ATL1: variants seen among roughly 807,000 people sequenced by gnomAD.
ATL1 encodes the protein atlastin-1.
In ATL1, 31 loss-of-function variants were observed where a neutral mutation model predicts 75.5. That is an observed-to-expected ratio of 0.41 (90% CI 0.31 to 0.55). The LOEUF is 0.55. Ranked by LOEUF, ATL1 falls within the 20% of genes least tolerant of loss-of-function variation. The pLI, the probability that ATL1 is intolerant of heterozygous loss-of-function variation, is 0.27. For missense variants in ATL1, 405 were observed against 662.6 expected (o/e 0.61, Z 4.27); for synonymous variants, 226 against 233.3 (o/e 0.97, Z 0.28).
At chr14:50,559,935 G>C (rs751178417), upstream of ATL1, 12 of 413,570 alleles carry the variant, frequency 2.9e-5, no homozygotes, top group South Asian at 2.5e-4. Context: ...GTGTTCGAGG[G>C]GGGTGCTGTT....
At chr14:50,625,641 G>C (rs1160495211) in intron 11 of ATL1, among the ~76,000 whole-genome samples, 2 of 152,110 alleles carry the variant, frequency 1.3e-5, no homozygotes, top group African/African-American at 4.8e-5. Flanking sequence ...TGCTAGGCCG[G>C]GCACGATGGC....
chr14:50,602,626 C>T lies in ATL1; in HGVS notation c.630+6994C>T, dbSNP rs78511023. 5.6e-3 allele frequency among the ~76,000 whole-genome samples: 848 copies of T among 152,040 alleles called. 3 individuals are homozygous for T. The highest frequency in any genetic ancestry group is 0.02 in the African/African-American group (817 of 41,460). On this transcript the variant is annotated intron_variant, in intron 6 of 13. Coordinates refer to ENST00000358385, the MANE Select transcript of ATL1 (RefSeq NM_015915.5). ...TTTCTAGTAGGCCGGTCTGCAAAAT[C>T]CTGTTTAATCTACAGCAAATTTAAA...
intron 1 of ATL1, among the ~76,000 whole-genome samples, chr14:50,552,956 G>A (rs971396381): frequency 6.6e-6 from 1 of 152,102 alleles, no homozygotes; most frequent in African/African-American, 2.4e-5. Context: ...CTTAGGCAAA[G>A]AATTCATGAC....
At chr14:50,606,549 G>A (rs181477529) in intron 6 of ATL1, among the ~76,000 whole-genome samples, 34 of 152,068 alleles carry the variant, frequency 2.2e-4, no homozygotes, top group Admixed American at 9.2e-4. Flanking sequence ...AGTGACTCAC[G>A]CATTGAAAAG....
intron 1 of ATL1, chr14:50,542,608 T>C (rs1212038322): frequency 6.6e-6 from 1 of 152,220 alleles, no homozygotes; most frequent in Non-Finnish European, 1.5e-5. Context: ...GTAAATCATA[T>C]GGAACAAATG....
chr14:50,605,073 A>C (rs2039304617), intron 6 of ATL1, among the ~76,000 whole-genome samples: 1 of 152,072 alleles, frequency 6.6e-6, no homozygotes, highest in Non-Finnish European at 1.5e-5. Context: ...TTTTAATAAA[A>C]AAGAAAGATT....
intron 1 of ATL1, among the ~76,000 whole-genome samples, chr14:50,546,837 GT>G (rs34495619): frequency 0.99 from 151,070 of 152,018 alleles, 75,075 homozygotes; most frequent in Middle Eastern, 1. Flanking sequence ...TGTGTTTAAG[GT>G]TTTTTTTTAA....
At chr14:50,586,259 G>T (rs2039100877) in intron 1 of ATL1, among the ~76,000 whole-genome samples, 1 of 152,188 alleles carries the variant, frequency 6.6e-6, no homozygotes, top group Non-Finnish European at 1.5e-5. Context: ...TGCTGTAACA[G>T]AAAATCATAG....
chr14:50,574,931 GTGTGTGTATATATATATA>G (rs1166626512), intron 1 of ATL1, among the ~76,000 whole-genome samples: 9 of 78,738 alleles, frequency 1.1e-4, no homozygotes, highest in Non-Finnish European at 1.9e-4. Flanking sequence ...GTGTGTGTGT[GTGTGTGTATATATATATA>G]TATATATATA....
intron 1 of ATL1, among the ~76,000 whole-genome samples, chr14:50,547,769 AGTGTCC>A (rs2038652423): frequency 6.6e-6 from 1 of 152,208 alleles, no homozygotes; most frequent in Admixed American, 6.5e-5. Context: ...TAAGCTGGGA[AGTGTCC>A]GTGCTATGAT....
intron 1 of ATL1, 129 bp downstream of exon 1, chr14:50,560,428 G>T (rs12882762): frequency 8.0e-7 from 1 of 1,242,734 alleles, no homozygotes; most frequent in South Asian, 1.3e-5. Flanking sequence ...ACGGGCCGTA[G>T]CCGAGCCGCT....
chr14:50,622,439 G>A (rs552929596), intron 10 of ATL1, among the ~76,000 whole-genome samples: 7 of 152,084 alleles, frequency 4.6e-5, no homozygotes, highest in South Asian at 4.1e-4. Flanking sequence ...AGGCCGAGGC[G>A]GGCAGACCAC....
At position 50,628,395 on chromosome 14, in the gene ATL1, G is replaced by T; in HGVS notation, c.1484G>T (p.Arg495Leu). The T allele has an allele frequency of 6.2e-7, 1 of 1,614,062 alleles. No individual in the cohort carries two copies. The highest frequency in any genetic ancestry group is 8.5e-7 in the Non-Finnish European group (1 of 1,180,018). ...LITLCTWAYI[R>L]YSGEYRELGA... ...ACCCTGTGCACTTGGGCATATATCC[G>T]GTACTCTGGAGAATACCGAGAGCTG... is the stretch of plus-strand genomic sequence containing the variant. Residue 495 changes from arginine (R) to leucine (L), a missense_variant, in exon 12 of 14, where the codon CGG (arginine) becomes CTG (leucine). Around this residue, in one of 5 missense-constraint regions of ATL1, gnomAD observed 163 missense variants for 244.1 expected, o/e 0.67. Transcript: ENST00000358385.
rs907599828 is a variant in ATL1 at position 50,545,203 on chromosome 14, C to T, written c.-140+11836C>T. Among the ~76,000 whole-genome samples, 4 of 152,304 alleles carry T rather than the reference C, an allele frequency of 2.6e-5. No homozygotes were observed. The East Asian group carries it at 7.7e-4, about 29-fold the overall frequency. On this transcript the variant is annotated intron_variant, in intron 1 of 13. Coordinates refer to the ATL1 transcript ENST00000441560. Reference sequence around the variant, plus strand: ...AAGGCAGTTTAGAGATGGAAAGTAGCACAGGTCTCTAGAGCTGTCCTGCTG... The same window carrying T: ...AAGGCAGTTTAGAGATGGAAAGTAGTACAGGTCTCTAGAGCTGTCCTGCTG...
At chr14:50,570,595 AT>A (rs1244142101) in intron 1 of ATL1, among the ~76,000 whole-genome samples, 1 of 151,804 alleles carries the variant, frequency 6.6e-6, no homozygotes, top group Non-Finnish European at 1.5e-5. Context: ...TGAAATTTGT[AT>A]TTTGTTTGTA....
rs551726734 is a variant in ATL1 at position 50,605,457 on chromosome 14, A to G, written c.631-7802A>G. 7.9e-5 allele frequency among the ~76,000 whole-genome samples: 12 copies of G among 151,944 alleles called. No homozygotes were observed. In the East Asian group the frequency reaches 1.9e-3, roughly 24 times the overall value. ...CATTCAACCTTTTTATTCTGAGTCTATATTTTATATCTGAGCCTCATATGT... is the reference window on the plus strand; with the variant it reads ...CATTCAACCTTTTTATTCTGAGTCTGTATTTTATATCTGAGCCTCATATGT... On this transcript the variant is annotated intron_variant, in intron 6 of 13. Transcript: ENST00000358385.
chr14:50,594,486 T>C (rs867424070), intron 5 of ATL1, among the ~76,000 whole-genome samples: 1 of 151,988 alleles, frequency 6.6e-6, no homozygotes, highest in South Asian at 2.1e-4. Context: ...GTCACAGACA[T>C]TTAAAAAAAA....
At chr14:50,575,991 A>C (rs1348905693) in intron 1 of ATL1, among the ~76,000 whole-genome samples, 3 of 152,166 alleles carry the variant, frequency 2.0e-5, no homozygotes, top group African/African-American at 7.2e-5. Flanking sequence ...AGGTGAAATG[A>C]TATACAGACT....
intron 7 of ATL1, among the ~76,000 whole-genome samples, chr14:50,613,814 T>C (rs2039389159): frequency 6.6e-6 from 1 of 152,194 alleles, no homozygotes; most frequent in South Asian, 2.1e-4. Context: ...CCTTGAAAAT[T>C]GGGATCTCTG....
Sources: gnomAD v4.1 joint callset for allele counts (sites outside exome capture counted in the v4.1 genomes callset) on GRCh38, gnomAD v4.1.1 for gene constraint, gnomAD v4.1.1 regional missense constraint, MANE v1.5 for transcripts, NCBI Gene and HGNC (gene_info 2026-07-23, HGNC 2026-07-21) for gene names.